The following SEMA3C variants were observed in gnomAD, a reference collection of about 807,000 sequenced individuals.
The protein encoded by SEMA3C is semaphorin-3C.
Under a neutral mutation model 89.4 loss-of-function variants are expected in SEMA3C, and 47 were observed. The observed-to-expected ratio is 0.53, with a 90% CI of 0.42 to 0.67. The LOEUF (loss-of-function observed/expected upper bound fraction) is 0.67. Ranked by LOEUF, SEMA3C falls within the 30% of genes least tolerant of loss-of-function variation. SEMA3C has a pLI of 0.00. For synonymous variants in SEMA3C, 310 were observed against 320.2 expected, an observed-to-expected ratio of 0.97 and a Z score of 0.34; for missense variants, 839 against 929.1, an observed-to-expected ratio of 0.90 and a Z score of 1.26.
chr7:80,837,470 G>A (rs563428263), intron 2 of SEMA3C, among the ~76,000 whole-genome samples: 2 of 152,272 alleles, frequency 1.3e-5, no homozygotes, highest in South Asian at 4.1e-4. Flanking sequence ...AAGGATTATT[G>A]GGGCAAACAG....
intron 2 of SEMA3C, among the ~76,000 whole-genome samples, chr7:80,870,548 A>C (rs1164939767): frequency 3.3e-5 from 5 of 152,186 alleles, no homozygotes; most frequent in Non-Finnish European, 7.3e-5. Flanking sequence ...TAACACAGAC[A>C]GGGCGTACCA....
At chr7:80,777,045 T>TA (rs1284410887) in intron 12 of SEMA3C, among the ~76,000 whole-genome samples, 1 of 152,140 alleles carries the variant, frequency 6.6e-6, no homozygotes, top group Non-Finnish European at 1.5e-5. Flanking sequence ...ATTGAATGCT[T>TA]ACTAATCGCT....
intron 5 of SEMA3C, among the ~76,000 whole-genome samples, chr7:80,815,328 G>A (rs1789574823): frequency 6.6e-6 from 1 of 151,950 alleles, no homozygotes; most frequent in Admixed American, 6.6e-5. Flanking sequence ...TGGTCACTGA[G>A]GAATCTGCCA....
chr7:80,800,796 G>C lies in SEMA3C; in HGVS notation c.947C>G (p.Pro316Arg), dbSNP rs774867394. 6.6e-7 allele frequency: 1 copy of C among 1,513,874 alleles called. No individual in the cohort carries two copies. Among genetic ancestry groups the C allele is most frequent in the Non-Finnish European group, 8.8e-7 (1 of 1,136,812 alleles). The allele number at this position is 1,513,874 out of a possible 1,614,324, so 93.8% of individuals were successfully genotyped here. A position where few individuals can be genotyped will look rare whatever the true frequency, so the allele number is the denominator to read the frequency against. ...AATGCCATACACTAGTGTTGTCCTC[G>C]GGTTATCAGTTTCCAGCAGAAACAC... ...EDVFLLETDN[P>R]RTTLVYGIFT... The change falls in exon 10 of 18, where the codon CCG becomes CGG. Residue 316 changes from proline (P) to arginine (R), a missense_variant. By Grantham distance (103) the Pro-to-Arg change is moderately radical (BLOSUM62 -2). Coordinates refer to ENST00000265361, the MANE Select transcript of SEMA3C (RefSeq NM_006379.5).
At chr7:80,885,407 A>C (rs1791451681) in intron 2 of SEMA3C, among the ~76,000 whole-genome samples, 1 of 152,104 alleles carries the variant, frequency 6.6e-6, no homozygotes. Flanking sequence ...GCTTGAGCTC[A>C]GGAGTTCAAG....
intron 15 of SEMA3C, among the ~76,000 whole-genome samples, chr7:80,754,957 G>GTTTTTTTTTTTGTTT (rs1788027360): frequency 9.2e-6 from 1 of 108,364 alleles, no homozygotes; most frequent in African/African-American, 3.5e-5. Flanking sequence ...GTTTTTTTTT[G>GTTTTTTTTTTTGTTT]TTTTTTTTTT....
upstream of SEMA3C, chr7:80,919,378 G>A (rs976895883): frequency 1.0e-6 from 1 of 985,350 alleles, no homozygotes; most frequent in South Asian, 4.7e-5. Context: ...CTTGCTGGGT[G>A]CGCTCCACGG....
At chr7:80,806,285 T>C (rs1411958719) in intron 6 of SEMA3C, among the ~76,000 whole-genome samples, 1 of 152,112 alleles carries the variant, frequency 6.6e-6, no homozygotes, top group East Asian at 1.9e-4. Context: ...TAAAAGTTCT[T>C]AACACATATT....
chr7:80,902,258 G>T (rs567704007), intron 2 of SEMA3C, among the ~76,000 whole-genome samples: 1 of 152,144 alleles, frequency 6.6e-6, no homozygotes, highest in Non-Finnish European at 1.5e-5. Context: ...TGGGCTTCAT[G>T]TTGTTTTAAT....
intron 2 of SEMA3C, among the ~76,000 whole-genome samples, chr7:80,884,429 GAT>G (rs1791424593): frequency 6.6e-6 from 1 of 152,110 alleles, no homozygotes; most frequent in Non-Finnish European, 1.5e-5. Context: ...TCAAACATTA[GAT>G]ACTCTGTAAA....
chr7:80,843,627 T>A (rs1790322675), intron 2 of SEMA3C, among the ~76,000 whole-genome samples: 1 of 152,166 alleles, frequency 6.6e-6, no homozygotes, highest in Non-Finnish European at 1.5e-5. Flanking sequence ...CAACTGGTAG[T>A]CTAGCCATGC....
intron 2 of SEMA3C, among the ~76,000 whole-genome samples, chr7:80,853,578 T>C (rs1790566674): frequency 1.3e-5 from 2 of 152,034 alleles, no homozygotes; most frequent in Non-Finnish European, 2.9e-5. Context: ...GCAATTGAAC[T>C]CAGGGAGATA....
chr7:80,744,748 C>T lies in SEMA3C; in HGVS notation c.*146G>A, dbSNP rs1583834589. On this transcript the variant is annotated 3_prime_UTR_variant, in exon 18 of 18. Coordinates refer to ENST00000265361, the MANE Select transcript of SEMA3C (RefSeq NM_006379.5). Reference sequence around the variant, plus strand: ...ACTATCATACAAGAAAATGCATGCTCATTTCAGTTCGTGTAAAACTCACTT... The same window carrying T: ...ACTATCATACAAGAAAATGCATGCTTATTTCAGTTCGTGTAAAACTCACTT... The T allele has an allele frequency of 2.5e-6, 2 of 810,446 alleles. No homozygotes were observed. Among genetic ancestry groups the T allele is most frequent in the Non-Finnish European group, 4.0e-6 (2 of 498,852 alleles). 50.2% of individuals were successfully genotyped at this position (810,446 alleles called of 1,614,324 possible). A position where few individuals can be genotyped will look rare whatever the true frequency, so the allele number is the denominator to read the frequency against.
chr7:80,787,390 TAAAAAAAAAAA>T (rs1179102219), intron 12 of SEMA3C, among the ~76,000 whole-genome samples: 3 of 99,896 alleles, frequency 3.0e-5, no homozygotes, highest in South Asian at 7.5e-4. Context: ...AGACTCCGTT[TAAAAAAAAAAA>T]AAAAAAAAAA....
intron 12 of SEMA3C, among the ~76,000 whole-genome samples, chr7:80,785,437 A>G (rs940390826): frequency 6.6e-6 from 1 of 152,152 alleles, no homozygotes; most frequent in Non-Finnish European, 1.5e-5. Flanking sequence ...CTGGAGCATC[A>G]TCATTCATTT....
At chr7:80,919,387 G>GGTTTTTGTT (rs1792364691), upstream of SEMA3C, 1 of 985,304 alleles carries the variant, frequency 1.0e-6, no homozygotes, top group South Asian at 4.7e-5. Flanking sequence ...TGCGCTCCAC[G>GGTTTTTGTT]GTTTTTGTTG....
rs770476041 is a variant in SEMA3C, at chr7:80,789,313, G to A, written c.1347C>T (p.Leu449=). 12 of 1,611,664 alleles carry A rather than the reference G, an allele frequency of 7.4e-6. No individual in the cohort carries two copies. Among genetic ancestry groups the A allele is most frequent in the Admixed American group, 3.3e-5 (2 of 59,854 alleles). ...TTGGGCTCAAATATTTACCTGTTCC[G>A]AGAAACAGGACATGGTATCTCCCAT... ...AADGRYHVLF[L]GTDRGTVQKV... is the part of the protein sequence containing the mutation. The change falls in exon 12 of 18, where the codon CTC becomes CTT. Residue 449 remains leucine, a synonymous_variant. Transcript: ENST00000265361.
intron 5 of SEMA3C, among the ~76,000 whole-genome samples, chr7:80,812,160 A>G (rs1393927618): frequency 1.3e-5 from 2 of 152,166 alleles, no homozygotes; most frequent in Non-Finnish European, 1.5e-5. Context: ...AAATAAAGCT[A>G]ATACATAGTT....
At chr7:80,750,473 T>TATATATATATATATACACACACAC (rs869227686) in intron 16 of SEMA3C, among the ~76,000 whole-genome samples, 2 of 55,454 alleles carry the variant, frequency 3.6e-5, no homozygotes, top group Non-Finnish European at 7.0e-5. Context: ...TATATATATA[T>TATATATATATATATACACACACAC]ACACACACAC....
Sources: gnomAD v4.1 joint callset for allele counts (sites outside exome capture counted in the v4.1 genomes callset) on GRCh38, gnomAD v4.1.1 for gene constraint, MANE v1.5 for transcripts, NCBI Gene and HGNC (gene_info 2026-07-23, HGNC 2026-07-21) for gene names.